The following GET3 variants were observed in gnomAD, a reference collection of about 807,000 sequenced individuals.
The protein encoded by GET3 is ATPase GET3.
In GET3, 15 loss-of-function variants were observed where a neutral mutation model predicts 32.4. The ratio of observed to expected loss-of-function variants is 0.46; its 90% CI spans 0.31 to 0.71. The LOEUF (loss-of-function observed/expected upper bound fraction) is 0.71. Ranked by LOEUF, GET3 falls within the 30% of genes least tolerant of loss-of-function variation. The pLI, the probability that GET3 is intolerant of heterozygous loss-of-function variation, is 0.05. For missense variants in GET3, 333 were observed against 459.0 expected, an observed-to-expected ratio of 0.73 and a Z score of 2.51; for synonymous variants, 198 against 185.6, an observed-to-expected ratio of 1.07 and a Z score of -0.54.
In GET3 at chr19:12,745,562, G is replaced by C; in HGVS notation, c.458+37G>C. 6.2e-7 allele frequency: 1 copy of C among 1,612,550 alleles called. No homozygotes were observed. Among genetic ancestry groups the C allele is most frequent in the Non-Finnish European group, 8.5e-7 (1 of 1,179,982 alleles). ...CCAGCAGGGGTGGGGGCTGCCTGGG[G>C]AAGGGGAAGAGCGGACACAGAGGGC... On this transcript the variant is annotated intron_variant, in intron 3 of 6. Coordinates refer to ENST00000357332, the MANE Select transcript of GET3 (RefSeq NM_004317.4). This position sits in a 1 kb window ranked among gnomAD's most constrained non-coding sequence, Gnocchi z 5.0.
chr19:12,741,766 A>C (rs1967673670), intron 2 of GET3, among the ~76,000 whole-genome samples: 1 of 151,798 alleles, frequency 6.6e-6, no homozygotes, highest in South Asian at 2.1e-4. Flanking sequence ...CTCAAAAAAA[A>C]AAAATTAGTT....
chr19:12,746,088 ACCTT>A (rs1333120878), intron 4 of GET3, among the ~76,000 whole-genome samples: 1 of 152,084 alleles, frequency 6.6e-6, no homozygotes, highest in African/African-American at 2.4e-5. Context: ...TCTGGGCCTC[ACCTT>A]CCTTGTCTTG....
chr19:12,745,768 CG>C lies in GET3; in HGVS notation c.609+14del. On this transcript the variant is annotated intron_variant, in intron 4 of 6. Transcript: ENST00000357332. The surrounding 1 kb of genome is among the most constrained non-coding windows in gnomAD (Gnocchi z 5.0). ...GCCCTTTCATCTCACAGGCAGGCGG[CG>C]GGGGCCCCCACCTGCACCATCCAGG... 6 of 1,597,444 alleles carry C rather than the reference CG, an allele frequency of 3.8e-6. No individual in the cohort carries two copies. The highest frequency in any genetic ancestry group is 1.7e-6 in the Non-Finnish European group (2 of 1,173,088).
At chr19:12,737,444 G>A, upstream of GET3, 2 of 1,404,646 alleles carry the variant, frequency 1.4e-6, no homozygotes, top group Admixed American at 3.5e-5. Context: ...ATGTGATAGA[G>A]AATTTCCCCT....
In GET3 at chr19:12,747,009, C is replaced by CA. The variant is rs764695800; in HGVS notation, c.610-172dup. ...TGGGCAACAGAGTGAGACTCCATTT[C>CA]AAAAAAAAAAAAAAAAGAAAGAAAG... On this transcript the variant is annotated intron_variant, in intron 4 of 6. Transcript: ENST00000357332. The surrounding 1 kb of genome is among the most constrained non-coding windows in gnomAD (Gnocchi z 4.0). Among the ~76,000 whole-genome samples, 6,620 of 108,404 alleles carry CA rather than the reference C, an allele frequency of 0.061. 204 individuals carry two copies. Among genetic ancestry groups the CA allele is most frequent in the Non-Finnish European group, 0.082 (4,419 of 54,014 alleles). The allele number at this position is 108,404 out of a possible 152,430, so 71.1% of individuals were successfully genotyped here.
intron 2 of GET3, among the ~76,000 whole-genome samples, chr19:12,743,803 A>G (rs1368921813): frequency 1.2e-4 from 14 of 116,916 alleles, no homozygotes; most frequent in Admixed American, 2.0e-4. Context: ...ATCTCAGCTC[A>G]CTGCAGGCTC....
chr19:12,747,706 A>T lies in GET3; in HGVS notation c.915+114A>T. ...CTCTAGCCTCCTGCCCTTTGCCCCC[A>T]CATTTCAGATCCTTCACCCTTATTC... On this transcript the variant is annotated intron_variant, in intron 6 of 6. Transcript: ENST00000357332. This position sits in a 1 kb window ranked among gnomAD's most constrained non-coding sequence, Gnocchi z 4.0. The T allele has an allele frequency of 1.5e-6, 2 of 1,326,502 alleles. No homozygotes were observed. The highest frequency in any genetic ancestry group is 1.0e-6 in the Non-Finnish European group (1 of 972,932). 82.2% of individuals were successfully genotyped at this position (1,326,502 alleles called of 1,614,324 possible). A position where few individuals can be genotyped will look rare whatever the true frequency, so the allele number is the denominator to read the frequency against.
rs1967787010 is a variant in GET3, at chr19:12,747,118, TC to T, written c.610-76del. ...AACCACTGGGAGGTATCAGGAGTCATCCCTCGGGTGTTTAGTGAACCCCCAA... is the reference window on the plus strand; with the variant it reads ...AACCACTGGGAGGTATCAGGAGTCATCCTCGGGTGTTTAGTGAACCCCCAA... On this transcript the variant is annotated intron_variant, in intron 4 of 6. Transcript: ENST00000357332. The surrounding 1 kb of genome is among the most constrained non-coding windows in gnomAD (Gnocchi z 4.0). 8.1e-7 allele frequency: 1 copy of T among 1,234,010 alleles called. No homozygotes were observed. The highest frequency in any genetic ancestry group is 1.1e-6 in the Non-Finnish European group (1 of 876,246). The allele number at this position is 1,234,010 out of a possible 1,614,324, so 76.4% of individuals were successfully genotyped here.
chr19:12,745,576 G>A lies in GET3; in HGVS notation c.459-33G>A, dbSNP rs1283603576. ...GGCTGCCTGGGGAAGGGGAAGAGCG[G>A]ACACAGAGGGCCTGACCCCTGTCTC... On this transcript the variant is annotated intron_variant, in intron 3 of 6. Transcript: ENST00000357332. The surrounding 1 kb of genome is among the most constrained non-coding windows in gnomAD (Gnocchi z 5.0). 1.2e-6 allele frequency: 2 copies of A among 1,612,298 alleles called. No homozygotes were observed. The highest frequency in any genetic ancestry group is 1.7e-6 in the Non-Finnish European group (2 of 1,179,964).
Position 12,745,609 on chromosome 19 carries a change from G to C in GET3, c.459G>C (p.Arg153Ser). 1 of 1,612,780 alleles carries C rather than the reference G, an allele frequency of 6.2e-7. No individual in the cohort carries two copies. The highest frequency in any genetic ancestry group is 8.5e-7 in the Non-Finnish European group (1 of 1,179,982). ...GGGCCTGACCCCTGTCTCCCCTCAG[G>C]CTGGTGAAGGGCATGAACTTCTCGG... ...DEAMSYAEVM[R>S]LVKGMNFSVV... The change falls in exon 4 of 7, where the codon AGG becomes AGC. Residue 153 changes from arginine to serine, a missense_variant and splice_region_variant. Physicochemically the swap from Arg to Ser is moderately radical, Grantham distance 110. Coordinates refer to ENST00000357332, the MANE Select transcript of GET3 (RefSeq NM_004317.4). The surrounding 1 kb of genome is among the most constrained non-coding windows in gnomAD (Gnocchi z 5.0).
In GET3 at chr19:12,745,096, G is replaced by C. The variant is rs1408850950; in HGVS notation, c.310-281G>C. Among the ~76,000 whole-genome samples the C allele has an allele frequency of 6.6e-6, 1 of 152,114 alleles. No homozygotes were observed. Among genetic ancestry groups the C allele is most frequent in the South Asian group, 2.1e-4 (1 of 4,824 alleles). ...GGCAGGTTGCAAGTGGGGAGTAGCA[G>C]TGTAAATGGCCCGCAGTGGGTTTCA... On this transcript the variant is annotated intron_variant, in intron 2 of 6. Coordinates refer to ENST00000357332, the MANE Select transcript of GET3 (RefSeq NM_004317.4). The surrounding 1 kb of genome is among the most constrained non-coding windows in gnomAD (Gnocchi z 5.0).
At chr19:12,738,701 C>T (rs1187183263) in intron 2 of GET3, 43 bp downstream of exon 2, 3 of 1,612,832 alleles carry the variant, frequency 1.9e-6, no homozygotes, top group African/African-American at 1.3e-5. Flanking sequence ...GGAAAAGCCT[C>T]TTCCAGCCTT....
rs545666978 is a variant in GET3, at chr19:12,746,049, G to A, written c.609+290G>A. 1.8e-3 allele frequency among the ~76,000 whole-genome samples: 277 copies of A among 152,298 alleles called. 2 individuals carry two copies. Among genetic ancestry groups the A allele is most frequent in the African/African-American group, 6.2e-3 (258 of 41,562 alleles). On this transcript the variant is annotated intron_variant, in intron 4 of 6. Coordinates refer to ENST00000357332, the MANE Select transcript of GET3 (RefSeq NM_004317.4). ...ACACTCACCATGTGACCCAACTGCTGTGTGACCTCAAGCAAATCACTTCAC... is the reference window on the plus strand; with the variant it reads ...ACACTCACCATGTGACCCAACTGCTATGTGACCTCAAGCAAATCACTTCAC...
intron 2 of GET3, among the ~76,000 whole-genome samples, chr19:12,740,247 G>T (rs531331242): frequency 2.0e-5 from 3 of 152,122 alleles, no homozygotes; most frequent in African/African-American, 7.2e-5. Flanking sequence ...TGGGCATGGT[G>T]GCAGGCGCCT....
upstream of GET3, chr19:12,737,354 G>T: frequency 8.8e-7 from 1 of 1,138,174 alleles, no homozygotes; most frequent in African/African-American, 1.6e-5. Context: ...TGGAAGCAAA[G>T]AATAGTGAAA....
At chr19:12,742,815 G>A (rs1209139531) in intron 2 of GET3, among the ~76,000 whole-genome samples, 3 of 152,078 alleles carry the variant, frequency 2.0e-5, no homozygotes, top group African/African-American at 7.2e-5. Context: ...CTAATACACT[G>A]GGATTACAAG....
chr19:12,748,214 T>G lies in GET3; in HGVS notation c.*110T>G, dbSNP rs866541129. The G allele has an allele frequency of 2.8e-6, 3 of 1,089,548 alleles. No individual in the cohort carries two copies. Among genetic ancestry groups the G allele is most frequent in the African/African-American group, 3.2e-5 (2 of 62,448 alleles). 67.5% of individuals were successfully genotyped at this position (1,089,548 alleles called of 1,614,324 possible). ...CCCCCATAATACAGGGGGAGCCACTTGGGCAGGAGGCAGGGAGGGGTCCAT... is the reference window on the plus strand; with the variant it reads ...CCCCCATAATACAGGGGGAGCCACTGGGGCAGGAGGCAGGGAGGGGTCCAT... On this transcript the variant is annotated 3_prime_UTR_variant, in exon 7 of 7. Coordinates refer to ENST00000357332, the MANE Select transcript of GET3 (RefSeq NM_004317.4).
At position 12,745,704 on chromosome 19, in the gene GET3, G is replaced by A. The variant is rs1475057998; in HGVS notation, c.554G>A (p.Arg185Gln). ...RLLNFPTIVE[R>Q]GLGRLMQIKN... ...CTCAACTTCCCCACCATCGTGGAGC[G>A]GGGCCTGGGCCGGCTTATGCAGATC... The change falls in exon 4 of 7, where the codon CGG becomes CAG. Residue 185 changes from arginine to glutamine, a missense_variant. Physicochemically the swap from Arg to Gln is conservative, Grantham distance 43 (BLOSUM62 1). Transcript: ENST00000357332. The surrounding 1 kb of genome is among the most constrained non-coding windows in gnomAD (Gnocchi z 5.0). 5 of 1,612,832 alleles carry A rather than the reference G, an allele frequency of 3.1e-6. No individual in the cohort carries two copies. The highest frequency in any genetic ancestry group is 1.1e-5 in the South Asian group (1 of 91,078).
In GET3 at chr19:12,744,444, A is replaced by G. The variant is rs367713267; in HGVS notation, c.310-933A>G. On this transcript the variant is annotated intron_variant, in intron 2 of 6. Coordinates refer to ENST00000357332, the MANE Select transcript of GET3 (RefSeq NM_004317.4). Reference sequence around the variant, plus strand: ...AAGCGATTCCCCTGCCTCAACCTCCAGAGTAGCTGGGATTATAGGCACCCG... The same window carrying G: ...AAGCGATTCCCCTGCCTCAACCTCCGGAGTAGCTGGGATTATAGGCACCCG... Among the ~76,000 whole-genome samples the G allele has an allele frequency of 2.0e-4, 31 of 151,572 alleles. No individual in the cohort carries two copies. In the South Asian group the frequency reaches 5.7e-3, roughly 28 times the overall value.
Sources: gnomAD v4.1 joint callset for allele counts (sites outside exome capture counted in the v4.1 genomes callset) on GRCh38, gnomAD v4.1.1 for gene constraint, Gnocchi (gnomAD v3.1) non-coding constraint, MANE v1.5 for transcripts, NCBI Gene and HGNC (gene_info 2026-07-23, HGNC 2026-07-21) for gene names.